CCNH: variants seen among roughly 807,000 people sequenced by gnomAD.
CCNH encodes cyclin H.
CCNH carries 31 observed loss-of-function variants against 41.9 expected under a neutral mutation model. The ratio of observed to expected loss-of-function variants is 0.74; its 90% CI spans 0.56 to 1.00. The LOEUF (loss-of-function observed/expected upper bound fraction) is 1.00, where lower values mean the gene tolerates loss of function less well. Ranked by LOEUF, CCNH falls within the 50% of genes least tolerant of loss-of-function variation. CCNH has a pLI of 0.00. For synonymous variants in CCNH, 138 were observed against 136.1 expected, an observed-to-expected ratio of 1.01 and a Z score of -0.10; for missense variants, 362 against 388.4, an observed-to-expected ratio of 0.93 and a Z score of 0.57.
At chr5:87,363,236 A>T in intron 9 of CCNH, 1 of 1,017,738 alleles carries the variant, frequency 9.8e-7, no homozygotes. Context: ...CATATTACAT[A>T]AGCTTTGGAA....
rs565634738 is a variant in CCNH, at chr5:87,341,885, G to A, written c.*91-22988C>T. On this transcript the variant is annotated intron_variant and NMD_transcript_variant, in intron 9 of 9. Coordinates refer to the CCNH transcript ENST00000645953. ...TTTTTCTTATCTTTCAGCATTTAGG[G>A]ATGGAACTTGAGGCTTGCCTCAAGT... Among the ~76,000 whole-genome samples the A allele has an allele frequency of 6.9e-3, 1,048 of 152,104 alleles. 10 individuals are homozygous for A. Among genetic ancestry groups the A allele is most frequent in the South Asian group, 7.7e-3 (37 of 4,822 alleles).
chr5:87,350,694 A>G (rs933534964), intron 9 of CCNH, among the ~76,000 whole-genome samples: 1 of 151,516 alleles, frequency 6.6e-6, no homozygotes, highest in African/African-American at 2.4e-5. Context: ...AAATTATTGC[A>G]ATATTATGTT....
downstream of CCNH, among the ~76,000 whole-genome samples, chr5:87,316,739 A>T (rs920146589): frequency 3.3e-5 from 5 of 152,208 alleles, no homozygotes; most frequent in African/African-American, 1.2e-4. Context: ...ACAATTATAG[A>T]TACAAAGCTG....
chr5:87,339,617 A>G (rs371158743), intron 9 of CCNH, among the ~76,000 whole-genome samples: 16 of 152,100 alleles, frequency 1.1e-4, no homozygotes, highest in African/African-American at 3.9e-4. Flanking sequence ...AAATTACTCA[A>G]TGTATACAGA....
rs370222759 is a variant in CCNH at position 87,324,007 on chromosome 5, T to G, written c.*91-5110A>C. ...GTGTTCTGTCGTATTTACTGTTATATTCTACCATGTAGCACAATGCTTGGC... is the reference window on the plus strand; with the variant it reads ...GTGTTCTGTCGTATTTACTGTTATAGTCTACCATGTAGCACAATGCTTGGC... On this transcript the variant is annotated intron_variant and NMD_transcript_variant, in intron 9 of 9. Transcript: ENST00000645953. Among the ~76,000 whole-genome samples, 8 of 152,298 alleles carry G rather than the reference T, an allele frequency of 5.3e-5. No individual in the cohort carries two copies. In the East Asian group the frequency reaches 1.2e-3, roughly 22 times the overall value.
chr5:87,330,832 C>T (rs1201235532), intron 9 of CCNH: 8 of 591,756 alleles, frequency 1.4e-5, no homozygotes, highest in African/African-American at 5.8e-5. Context: ...ATCAGCTTCA[C>T]GTTCAAACAG....
chr5:87,375,773 C>G (rs1761282395), downstream of CCNH, among the ~76,000 whole-genome samples: 1 of 152,124 alleles, frequency 6.6e-6, no homozygotes, highest in Admixed American at 6.6e-5. Context: ...CTTCTTAAAA[C>G]TCAGGCTTAG....
At chr5:87,377,400 G>A (rs995264897), upstream of CCNH, among the ~76,000 whole-genome samples, 5 of 152,056 alleles carry the variant, frequency 3.3e-5, no homozygotes, top group African/African-American at 1.2e-4. Context: ...GCGCAGTCTC[G>A]GCTCACTGCA....
chr5:87,361,012 A>G (rs1347856095), intron 9 of CCNH, among the ~76,000 whole-genome samples: 1 of 152,202 alleles, frequency 6.6e-6, no homozygotes, highest in African/African-American at 2.4e-5. Flanking sequence ...ACTTTGCAAC[A>G]CAGTTACACA....
At chr5:87,412,572 A>C in intron 1 of CCNH, 106 bp downstream of exon 1, 1 of 1,503,950 alleles carries the variant, frequency 6.6e-7, no homozygotes, top group Non-Finnish European at 8.9e-7. Context: ...CGCGCCGCAG[A>C]GGCAGAGAAA....
Position 87,383,800 on chromosome 5 carries a change from T to C in CCNH, c.*90+8970A>G. On this transcript the variant is annotated intron_variant and NMD_transcript_variant, in intron 9 of 9. Transcript: ENST00000645953. ...TCTCAGGTAATCAGCTTTTGATACA[T>C]TTTGAAATTCAAAATATTAGAATTA... is the stretch of plus-strand genomic sequence containing the variant. 1 of 1,588,268 alleles carries C rather than the reference T, an allele frequency of 6.3e-7. No homozygotes were observed. The highest frequency in any genetic ancestry group is 1.3e-5 in the African/African-American group (1 of 74,374).
At chr5:87,357,940 G>T (rs1340771923) in intron 9 of CCNH, among the ~76,000 whole-genome samples, 1 of 152,146 alleles carries the variant, frequency 6.6e-6, no homozygotes, top group African/African-American at 2.4e-5. Flanking sequence ...ACTATTAAGT[G>T]CTATTTGTAG....
At chr5:87,335,443 T>G (rs1053519488) in intron 9 of CCNH, among the ~76,000 whole-genome samples, 16 of 142,630 alleles carry the variant, frequency 1.1e-4, no homozygotes, top group African/African-American at 4.1e-4. Context: ...TTTTTTTTTT[T>G]TGTGACAGTT....
chr5:87,338,172 G>T, intron 9 of CCNH: 1 of 1,584,596 alleles, frequency 6.3e-7, no homozygotes, highest in Non-Finnish European at 8.6e-7. Context: ...AGAGAAAGTA[G>T]CTATGAATAC....
At chr5:87,364,261 CTTCTT>C (rs1425835399) in intron 9 of CCNH, among the ~76,000 whole-genome samples, 3 of 152,092 alleles carry the variant, frequency 2.0e-5, no homozygotes, top group Non-Finnish European at 4.4e-5. Context: ...AAATATTTCT[CTTCTT>C]TAAGAGAAAT....
intron 9 of CCNH, chr5:87,362,460 G>A (rs2112455770): frequency 7.7e-7 from 1 of 1,295,464 alleles, no homozygotes. Context: ...AGTATTTTAA[G>A]CGCTTTGGCT....
At position 87,409,349 on chromosome 5, in the gene CCNH, CA is replaced by C. The variant is rs1764046792; in HGVS notation, c.254del (p.Met85SerfsTer12). ...MPRSVVGTAC[M>X]YFKRFYLNNS... ...TATTAAGATAAAAACGTTTGAAATA[CA>C]TACAAGCCGTACCCTAAGGGTTAAA... On this transcript the variant is annotated frameshift_variant, in exon 3 of 9. Coordinates refer to ENST00000256897, the MANE Select transcript of CCNH (RefSeq NM_001239.4). LOFTEE classifies it high-confidence loss of function. The C allele has an allele frequency of 6.4e-7, 1 of 1,566,216 alleles. No homozygotes were observed. Among genetic ancestry groups the C allele is most frequent in the Non-Finnish European group, 8.8e-7 (1 of 1,138,602 alleles).
At chr5:87,370,775 TAAG>T (rs1383104799) in intron 9 of CCNH, among the ~76,000 whole-genome samples, 4 of 152,170 alleles carry the variant, frequency 2.6e-5, no homozygotes, top group Admixed American at 6.6e-5. Flanking sequence ...TAAAGGTGGT[TAAG>T]AAGTGAAAGT....
At chr5:87,327,821 C>T (rs923244279) in intron 9 of CCNH, among the ~76,000 whole-genome samples, 9 of 151,854 alleles carry the variant, frequency 5.9e-5, no homozygotes, top group East Asian at 5.8e-4. Context: ...AAAAGTTAGC[C>T]GGATGTGGTG....
Sources: gnomAD v4.1 joint callset for allele counts (sites outside exome capture counted in the v4.1 genomes callset) on GRCh38, gnomAD v4.1.1 for gene constraint, MANE v1.5 for transcripts, NCBI Gene and HGNC (gene_info 2026-07-23, HGNC 2026-07-21) for gene names.